GNAQ: variants seen among roughly 807,000 people sequenced by gnomAD.
GNAQ encodes the protein G protein subunit alpha q.
In GNAQ, 8 loss-of-function variants were observed where a neutral mutation model predicts 43.9. The ratio of observed to expected loss-of-function variants is 0.18; its 90% CI spans 0.11 to 0.33. The LOEUF is 0.33. Ranked by LOEUF, GNAQ falls within the 10% of genes least tolerant of loss-of-function variation. The pLI, the probability that GNAQ is intolerant of heterozygous loss-of-function variation, is 1.00. For synonymous variants in GNAQ, 155 were observed against 170.7 expected, an observed-to-expected ratio of 0.91 and a Z score of 0.71; for missense variants, 158 against 450.8, an observed-to-expected ratio of 0.35 and a Z score of 5.88.
intron 1 of GNAQ, among the ~76,000 whole-genome samples, chr9:77,934,083 A>G (rs1304591772): frequency 1.3e-5 from 2 of 152,204 alleles, no homozygotes; most frequent in African/African-American, 2.4e-5. Flanking sequence ...ACCTTATTGC[A>G]TATTCATCAA....
rs924248272 is a variant in GNAQ at position 77,989,809 on chromosome 9, T to C, written c.136+41291A>G. ...TGAAACACCGTTTCATAGATGATTA[T>C]TAATTTTATTTTAATCTAGTATTAC... is the stretch of plus-strand genomic sequence containing the variant. On this transcript the variant is annotated intron_variant, in intron 1 of 6. Coordinates refer to ENST00000286548, the MANE Select transcript of GNAQ (RefSeq NM_002072.5). 2.0e-5 allele frequency among the ~76,000 whole-genome samples: 3 copies of C among 152,248 alleles called. No individual in the cohort carries two copies. In the East Asian group the frequency reaches 5.8e-4, roughly 29 times the overall value.
At chr9:77,960,616 A>G (rs908192937) in intron 1 of GNAQ, among the ~76,000 whole-genome samples, 2 of 152,202 alleles carry the variant, frequency 1.3e-5, no homozygotes, top group Non-Finnish European at 2.9e-5. Context: ...TAGCTAGCCC[A>G]GAGAGGGCGG....
chr9:77,888,704 G>C (rs887664085), intron 2 of GNAQ, among the ~76,000 whole-genome samples: 1 of 152,108 alleles, frequency 6.6e-6, no homozygotes, highest in Admixed American at 6.5e-5. Flanking sequence ...TGGCTGAGAA[G>C]AGTGTCAGAT....
chr9:77,786,923 A>G (rs1011773978), intron 5 of GNAQ, among the ~76,000 whole-genome samples: 7 of 152,208 alleles, frequency 4.6e-5, no homozygotes, highest in Non-Finnish European at 8.8e-5. Flanking sequence ...CAAATTGGAA[A>G]CACATCCAGA....
At chr9:77,987,405 G>A (rs1435587445) in intron 1 of GNAQ, among the ~76,000 whole-genome samples, 1 of 152,110 alleles carries the variant, frequency 6.6e-6, no homozygotes, top group Non-Finnish European at 1.5e-5. Context: ...GCATATCAGA[G>A]TAACATATGC....
intron 1 of GNAQ, among the ~76,000 whole-genome samples, chr9:77,958,955 C>T (rs532842372): frequency 6.6e-6 from 1 of 152,104 alleles, no homozygotes; most frequent in Non-Finnish European, 1.5e-5. Flanking sequence ...TAGTATAATA[C>T]TTAGTACTAA....
At chr9:77,747,801 C>T (rs940867427) in intron 5 of GNAQ, among the ~76,000 whole-genome samples, 1 of 152,220 alleles carries the variant, frequency 6.6e-6, no homozygotes, top group Non-Finnish European at 1.5e-5. Flanking sequence ...TTGTAATTCC[C>T]GTGTGGGACC....
intron 2 of GNAQ, among the ~76,000 whole-genome samples, chr9:77,865,741 A>T (rs747276522): frequency 5.3e-5 from 8 of 152,206 alleles, no homozygotes; most frequent in Non-Finnish European, 1.2e-4. Flanking sequence ...CCCGTAAAAA[A>T]GGAAATTAGG....
chr9:77,872,268 A>G (rs1302446639), intron 2 of GNAQ, among the ~76,000 whole-genome samples: 1 of 152,204 alleles, frequency 6.6e-6, no homozygotes, highest in Non-Finnish European at 1.5e-5. Context: ...AATTACCATT[A>G]TGTGAAAATT....
At chr9:77,842,858 A>G (rs767163690) in intron 2 of GNAQ, among the ~76,000 whole-genome samples, 7 of 152,140 alleles carry the variant, frequency 4.6e-5, no homozygotes, top group Non-Finnish European at 7.3e-5. Context: ...TTCTAGATAC[A>G]ATCTCAATGC....
chr9:77,922,428 A>T, intron 1 of GNAQ, 83 bp from the exon 2 acceptor site: 6 of 936,246 alleles, frequency 6.4e-6, no homozygotes, highest in Non-Finnish European at 1.0e-5. Flanking sequence ...CATGCCTTGG[A>T]TTTAACATCC....
intron 2 of GNAQ, among the ~76,000 whole-genome samples, chr9:77,838,137 A>ATTTTTT (rs574992587): frequency 5.7e-5 from 5 of 87,186 alleles, no homozygotes; most frequent in South Asian, 3.5e-4. Context: ...GGCATTAATG[A>ATTTTTT]TTTTTTTTTT....
intron 2 of GNAQ, among the ~76,000 whole-genome samples, chr9:77,819,002 CAAAAAAAAAAAA>C (rs10547681): frequency 0.02 from 927 of 45,310 alleles, 22 homozygotes; most frequent in African/African-American, 0.094. Context: ...ACCATCTCTC[CAAAAAAAAAAAA>C]AAAAAAAAAA....
At chr9:77,959,121 A>G (rs573009048) in intron 1 of GNAQ, among the ~76,000 whole-genome samples, 55 of 152,272 alleles carry the variant, frequency 3.6e-4, no homozygotes, top group Admixed American at 1.4e-3. Flanking sequence ...CCAGAGTTCA[A>G]TATTTAGTAA....
chr9:78,031,226 C>T lies in GNAQ; in HGVS notation c.10G>A (p.Glu4Lys). Residue 4 changes from glutamate to lysine, a missense_variant, in exon 1 of 7, where the codon GAG (glutamate) becomes AAG (lysine). Coordinates refer to ENST00000286548, the MANE Select transcript of GNAQ (RefSeq NM_002072.5). MTL[E>K]SIMACCLSEE... Reference sequence around the variant, plus strand: ...CTCAGGCAGCACGCCATGATGGACTCCAGAGTCATTCTTCCAAAGTGCCTC... The same window carrying T: ...CTCAGGCAGCACGCCATGATGGACTTCAGAGTCATTCTTCCAAAGTGCCTC... 6.5e-7 allele frequency: 1 copy of T among 1,528,022 alleles called. No homozygotes were observed. The highest frequency in any genetic ancestry group is 8.8e-7 in the Non-Finnish European group (1 of 1,133,680). The allele number at this position is 1,528,022 out of a possible 1,614,324, so 94.7% of individuals were successfully genotyped here.
intron 2 of GNAQ, among the ~76,000 whole-genome samples, chr9:77,845,855 A>AT (rs1433000823): frequency 1.3e-5 from 2 of 152,240 alleles, no homozygotes; most frequent in Admixed American, 1.3e-4. Flanking sequence ...ACTAGTATAG[A>AT]TAAGAGGGTC....
chr9:78,028,985 A>G (rs1824016282), intron 1 of GNAQ, among the ~76,000 whole-genome samples: 1 of 152,220 alleles, frequency 6.6e-6, no homozygotes, highest in Non-Finnish European at 1.5e-5. Context: ...GAGGAAAAAA[A>G]AGTTCTCCAC....
At chr9:77,949,262 G>T (rs909675377) in intron 1 of GNAQ, among the ~76,000 whole-genome samples, 3 of 152,204 alleles carry the variant, frequency 2.0e-5, no homozygotes, top group African/African-American at 7.2e-5. Context: ...CTCAGCCCTG[G>T]TGCAGAGGCA....
At chr9:77,730,822 T>C (rs1316996096) in intron 5 of GNAQ, among the ~76,000 whole-genome samples, 2 of 152,218 alleles carry the variant, frequency 1.3e-5, no homozygotes, top group African/African-American at 4.8e-5. Context: ...AATGATATCT[T>C]GTAGCTTGAG....
Sources: gnomAD v4.1 joint callset for allele counts (sites outside exome capture counted in the v4.1 genomes callset) on GRCh38, gnomAD v4.1.1 for gene constraint, MANE v1.5 for transcripts, NCBI Gene and HGNC (gene_info 2026-07-23, HGNC 2026-07-21) for gene names.